Variants in CEP128 observed in about 807,000 individuals in gnomAD.
The protein encoded by CEP128 is centrosomal protein 128kDa.
A neutral mutation model predicts 156.7 loss-of-function variants in CEP128; 132 were observed. The observed-to-expected ratio is 0.84, with a 90% confidence interval of 0.73 to 0.97. The LOEUF is 0.97. Ranked by LOEUF, CEP128 falls within the 50% of genes least tolerant of loss-of-function variation. The probability of loss-of-function intolerance (pLI) is 0.00; values close to 1 mark genes in which losing one functional copy is unlikely to be tolerated. For synonymous variants in CEP128, 469 were observed against 448.9 expected (o/e 1.04, Z -0.57); for missense variants, 1,252 against 1,281.9 (o/e 0.98, Z 0.36).
chr14:80,516,828 T>TG (rs1008433745), intron 23 of CEP128, among the ~76,000 whole-genome samples: 43 of 151,908 alleles, frequency 2.8e-4, no homozygotes, highest in African/African-American at 1.0e-3. Flanking sequence ...GGGGGAGGAG[T>TG]GGGGAAGTGT....
chr14:80,888,826 G>A (rs1259768614), intron 8 of CEP128, among the ~76,000 whole-genome samples: 2 of 152,212 alleles, frequency 1.3e-5, no homozygotes, highest in Admixed American at 6.5e-5. Flanking sequence ...AATAGGAAGA[G>A]AGGAAGTCAA....
chr14:80,791,131 T>G (rs1249695144), intron 14 of CEP128, among the ~76,000 whole-genome samples: 1 of 152,196 alleles, frequency 6.6e-6, no homozygotes, highest in African/African-American at 2.4e-5. Flanking sequence ...TTTTCCAAAA[T>G]TATTTACCAT....
intron 18 of CEP128, among the ~76,000 whole-genome samples, chr14:80,745,171 T>G (rs1052736311): frequency 1.3e-5 from 2 of 152,054 alleles, no homozygotes; most frequent in Admixed American, 1.3e-4. Flanking sequence ...TCTCAGGAGA[T>G]CTGGTCGTTT....
chr14:80,642,089 CAA>C lies in CEP128; in HGVS notation c.2807-61668_2807-61667del, dbSNP rs71103870. ...TGGGCGACAGAGTGAGACTCCGTTTCAAAAAAAAAAAAGAAGAGAGAGACAGC... is the reference window on the plus strand; with the variant it reads ...TGGGCGACAGAGTGAGACTCCGTTTCAAAAAAAAAAGAAGAGAGAGACAGC... On this transcript the variant is annotated intron_variant, in intron 19 of 24. Transcript: ENST00000555265. 3.3e-5 allele frequency among the ~76,000 whole-genome samples: 3 copies of C among 91,512 alleles called. 1 individual carries two copies. The highest frequency in any genetic ancestry group is 1.3e-4 in the Admixed American group (1 of 7,680). The allele number at this position is 91,512 out of a possible 152,430, so 60.0% of individuals were successfully genotyped here.
chr14:80,761,302 A>C, intron 17 of CEP128, 135 bp downstream of exon 17: 1 of 646,612 alleles, frequency 1.5e-6, no homozygotes, highest in East Asian at 2.8e-5. Context: ...CCTTATTCTA[A>C]AAAATGCAAA....
chr14:80,669,422 G>A (rs899386284), intron 19 of CEP128, among the ~76,000 whole-genome samples: 11 of 151,876 alleles, frequency 7.2e-5, no homozygotes, highest in Non-Finnish European at 1.3e-4. Context: ...ATCTGACAAG[G>A]GACTGATTGC....
In CEP128 at chr14:80,478,566, T is replaced by A. The variant is rs571045668; in HGVS notation, c.*311-159A>T. On this transcript the variant is annotated intron_variant and NMD_transcript_variant, in intron 14 of 14. Coordinates refer to the CEP128 transcript ENST00000554502. ...GGGTCCCATGCTTACCAGTATGTGA[T>A]CTTGGGTAAGTTACTCAATCCCACT... Among the ~76,000 whole-genome samples the A allele has an allele frequency of 9.2e-5, 14 of 152,334 alleles. No individual in the cohort carries two copies. The South Asian group carries it at 2.3e-3, about 25-fold the overall frequency.
Position 80,744,599 on chromosome 14 carries a change from T to C in CEP128, c.2614-1332A>G, listed in dbSNP as rs778242445. 3.3e-5 allele frequency among the ~76,000 whole-genome samples: 5 copies of C among 152,194 alleles called. No homozygotes were observed. In the South Asian group the frequency reaches 6.2e-4, roughly 19 times the overall value. ...CCTCATTAAAGTGGCACTTGAGGCA[T>C]AACTGACTCCCTCCTTCTACCCTCA... On this transcript the variant is annotated intron_variant, in intron 18 of 24. Coordinates refer to ENST00000555265, the MANE Select transcript of CEP128 (RefSeq NM_152446.5).
intron 21 of CEP128, among the ~76,000 whole-genome samples, chr14:80,547,261 C>T (rs1203492803): frequency 6.6e-6 from 1 of 152,132 alleles, no homozygotes; most frequent in African/African-American, 2.4e-5. Context: ...TAAATATGGT[C>T]CCAAAATGTC....
At chr14:80,835,438 CAATATTTACCTTCCCTGAA>C (rs1311562884) in intron 12 of CEP128, among the ~76,000 whole-genome samples, 2 of 152,074 alleles carry the variant, frequency 1.3e-5, no homozygotes. Flanking sequence ...AAGCCTGGGG[CAATATTTACCTTCCCTGAA>C]TTTAACAGTA....
At chr14:80,694,274 A>G (rs1896813734) in intron 19 of CEP128, among the ~76,000 whole-genome samples, 1 of 152,174 alleles carries the variant, frequency 6.6e-6, no homozygotes, top group Non-Finnish European at 1.5e-5. Context: ...GCTGGAGAGG[A>G]TGTGGAGAAA....
At chr14:80,610,967 GA>G (rs919348997) in intron 19 of CEP128, among the ~76,000 whole-genome samples, 4 of 151,732 alleles carry the variant, frequency 2.6e-5, no homozygotes, top group Admixed American at 2.6e-4. Flanking sequence ...AAAATGAATA[GA>G]AAAAAATGCA....
intron 9 of CEP128, among the ~76,000 whole-genome samples, chr14:80,844,129 C>T (rs766441964): frequency 1.4e-4 from 21 of 151,410 alleles, no homozygotes; most frequent in Non-Finnish European, 2.5e-4. Flanking sequence ...TAAGTTCATC[C>T]AGTTGAGGAT....
chr14:80,540,421 C>A (rs77905169), intron 21 of CEP128, among the ~76,000 whole-genome samples: 1,944 of 152,266 alleles, frequency 0.013, 45 homozygotes, highest in African/African-American at 0.045. Flanking sequence ...AAACTCAGGG[C>A]CAAGGCCCTA....
intron 20 of CEP128, among the ~76,000 whole-genome samples, chr14:80,564,937 T>C (rs1890848442): frequency 1.3e-5 from 2 of 151,956 alleles, no homozygotes; most frequent in South Asian, 4.2e-4. Flanking sequence ...CAGGCACCTG[T>C]AATCCCAGCT....
Position 80,754,188 on chromosome 14 carries a change from G to A in CEP128, c.2613+2704C>T, listed in dbSNP as rs530686561. Among the ~76,000 whole-genome samples, 4 of 152,268 alleles carry A rather than the reference G, an allele frequency of 2.6e-5. No homozygotes were observed. The East Asian group carries it at 7.7e-4, about 29-fold the overall frequency. Reference sequence around the variant, plus strand: ...TAATCCCTCTGGAGCCCCATCCCCTGCCATTCTCTGTGTCATACCTTCATA... The same window carrying A: ...TAATCCCTCTGGAGCCCCATCCCCTACCATTCTCTGTGTCATACCTTCATA... On this transcript the variant is annotated intron_variant, in intron 18 of 24. Transcript: ENST00000555265.
intron 7 of CEP128, among the ~76,000 whole-genome samples, chr14:80,896,336 G>A (rs975975962): frequency 2.0e-5 from 3 of 152,036 alleles, no homozygotes; most frequent in Non-Finnish European, 2.9e-5. Flanking sequence ...GATTTACAAT[G>A]AAAAGAAAAA....
intron 13 of CEP128, among the ~76,000 whole-genome samples, chr14:80,814,847 A>G (rs916917574): frequency 7.2e-5 from 11 of 152,204 alleles, no homozygotes; most frequent in African/African-American, 2.7e-4. Flanking sequence ...TCACGAGGTC[A>G]GGAGTTCGAG....
rs1887536791 is a variant in CEP128 at position 80,497,410 on chromosome 14, T to C, written c.*69A>G. The C allele has an allele frequency of 1.9e-6, 2 of 1,078,430 alleles. No individual in the cohort carries two copies. The highest frequency in any genetic ancestry group is 2.8e-6 in the Non-Finnish European group (2 of 723,052). The allele number at this position is 1,078,430 out of a possible 1,614,324, so 66.8% of individuals were successfully genotyped here. The stretch of plus-strand genomic sequence containing the variant: ...TGTCTGTTAGATAATCTGGGCCAAA[T>C]TGCTGTAAGAATAGAGATGTTATTA... On this transcript the variant is annotated 3_prime_UTR_variant, in exon 25 of 25. Coordinates refer to ENST00000555265, the MANE Select transcript of CEP128 (RefSeq NM_152446.5).
Sources: gnomAD v4.1 joint callset for allele counts (sites outside exome capture counted in the v4.1 genomes callset) on GRCh38, gnomAD v4.1.1 for gene constraint, MANE v1.5 for transcripts, NCBI Gene and HGNC (gene_info 2026-07-23, HGNC 2026-07-21) for gene names.